The following POFUT3 variants were observed in gnomAD, a reference collection of about 807,000 sequenced individuals.
POFUT3 encodes protein O-fucosyltransferase 3, also known as GDP-fucose protein O-fucosyltransferase 3.
At chr8:33,347,016 T>C in the POFUT3 span, among the ~76,000 whole-genome samples, 7 of 152,218 alleles carry the variant, frequency 4.6e-5, no homozygotes, top group African/African-American at 1.7e-4. Context: ...AATATGGATC[T>C]CCAAAGTGCC....
chr8:33,449,482 G>C, the POFUT3 span, among the ~76,000 whole-genome samples: 7 of 152,020 alleles, frequency 4.6e-5, no homozygotes, highest in Middle Eastern at 6.8e-3. Context: ...TAGAAGCAGG[G>C]TTTCACCATG....
chr8:33,445,725 T>C, the POFUT3 span, among the ~76,000 whole-genome samples: 32 of 152,226 alleles, frequency 2.1e-4, no homozygotes, highest in African/African-American at 7.7e-4. Context: ...CATGAGGACA[T>C]AGAGACCAGA....
the POFUT3 span, among the ~76,000 whole-genome samples, chr8:33,460,310 G>A: frequency 1.3e-5 from 2 of 152,068 alleles, no homozygotes; most frequent in East Asian, 3.9e-4. Context: ...AGCCGAGACT[G>A]CGCCACTGCT....
At chr8:33,442,303 G>T in the POFUT3 span, among the ~76,000 whole-genome samples, 25 of 99,210 alleles carry the variant, frequency 2.5e-4, no homozygotes, top group Middle Eastern at 0.01. Flanking sequence ...TTTTTTTTGG[G>T]GGGGGACAGA....
At chr8:33,403,803 C>T in the POFUT3 span, among the ~76,000 whole-genome samples, 6 of 151,912 alleles carry the variant, frequency 3.9e-5, no homozygotes, top group African/African-American at 1.2e-4. Flanking sequence ...CGAACTCTGT[C>T]CCAAAACACC....
chr8:33,429,541 T>C, the POFUT3 span, among the ~76,000 whole-genome samples: 94 of 152,258 alleles, frequency 6.2e-4, 2 homozygotes, highest in African/African-American at 2.2e-3. Flanking sequence ...GATATGTACT[T>C]TCTATAATTC....
the POFUT3 span, chr8:33,389,444 C>A: frequency 6.2e-7 from 1 of 1,614,074 alleles, no homozygotes; most frequent in Non-Finnish European, 8.5e-7. Context: ...TAAACATTCA[C>A]CATAGGAATC....
At chr8:33,327,843 T>A in the POFUT3 span, among the ~76,000 whole-genome samples, 1 of 152,182 alleles carries the variant, frequency 6.6e-6, no homozygotes, top group African/African-American at 2.4e-5. Flanking sequence ...AGACTTCCTG[T>A]TTTCAGGGCA....
chr8:33,416,498 G>T, the POFUT3 span, among the ~76,000 whole-genome samples: 1 of 151,948 alleles, frequency 6.6e-6, no homozygotes, highest in East Asian at 1.9e-4. Flanking sequence ...GATCACTTGA[G>T]GCCAGGAGTT....
At chr8:33,451,995 G>A in the POFUT3 span, 1 of 152,064 alleles carries the variant, frequency 6.6e-6, no homozygotes, top group African/African-American at 2.4e-5. Flanking sequence ...TCGGGATTAT[G>A]GGGATTACAA....
chr8:33,318,925 T>G, the POFUT3 span, among the ~76,000 whole-genome samples: 3 of 50,506 alleles, frequency 5.9e-5, no homozygotes, highest in Non-Finnish European at 8.9e-5. Flanking sequence ...ATATAATACA[T>G]AAATATATTT....
chr8:33,308,308 A>T, the POFUT3 span, among the ~76,000 whole-genome samples: 1 of 152,242 alleles, frequency 6.6e-6, no homozygotes, highest in African/African-American at 2.4e-5. Context: ...ATAAAAATTA[A>T]TCTAAAAGAA....
the POFUT3 span, among the ~76,000 whole-genome samples, chr8:33,456,055 C>T: frequency 0.012 from 1,868 of 152,290 alleles, 44 homozygotes; most frequent in African/African-American, 0.043. Context: ...CTGCCTGTTG[C>T]CAATAGCTCT....
At chr8:33,443,368 T>A in the POFUT3 span, among the ~76,000 whole-genome samples, 1 of 152,232 alleles carries the variant, frequency 6.6e-6, no homozygotes, top group African/African-American at 2.4e-5. Context: ...TCCTGCTTCA[T>A]CCCTACTCCC....
the POFUT3 span, among the ~76,000 whole-genome samples, chr8:33,459,933 T>C: frequency 0.68 from 103,832 of 152,012 alleles, 36,278 homozygotes; most frequent in African/African-American, 0.83. Flanking sequence ...TGGTGGCTCA[T>C]GCCTATAATC....
At chr8:33,362,498 T>C in the POFUT3 span, among the ~76,000 whole-genome samples, 1 of 151,916 alleles carries the variant, frequency 6.6e-6, no homozygotes, top group Non-Finnish European at 1.5e-5. Context: ...TCAAGACCCA[T>C]CAGTGTGCTG....
At chr8:33,326,693 G>T in the POFUT3 span, among the ~76,000 whole-genome samples, 18 of 152,238 alleles carry the variant, frequency 1.2e-4, no homozygotes, top group East Asian at 3.3e-3. Context: ...AGCTTCCTTT[G>T]CCTGACTTTA....
chr8:33,376,024 A>G, the POFUT3 span, among the ~76,000 whole-genome samples: 6 of 150,956 alleles, frequency 4.0e-5, no homozygotes, highest in Admixed American at 4.0e-4. Context: ...CTCAAAAAGA[A>G]AAAAAAAAAA....
the POFUT3 span, among the ~76,000 whole-genome samples, chr8:33,309,351 T>TTGTG: frequency 1.7e-3 from 249 of 142,554 alleles, 1 homozygote; most frequent in African/African-American, 5.7e-3. Context: ...CTTAAAGGTA[T>TTGTG]TGTGTGTGTG....
Sources: gnomAD v4.1 joint callset for allele counts (sites outside exome capture counted in the v4.1 genomes callset) on GRCh38, gnomAD v4.1.1 for gene constraint, MANE v1.5 for transcripts, NCBI Gene and HGNC (gene_info 2026-07-23, HGNC 2026-07-21) for gene names.